TENM3: variants seen among roughly 807,000 people sequenced by gnomAD.
TENM3 encodes the protein teneurin-3.
A neutral mutation model predicts 255.1 loss-of-function variants in TENM3; 63 were observed. That is an observed-to-expected ratio of 0.25 (90% CI 0.20 to 0.30). The LOEUF is 0.30. TENM3 is among the 10% of genes least tolerant of loss of function. The pLI, the probability that TENM3 is intolerant of heterozygous loss-of-function variation, is 1.00. For synonymous variants in TENM3, 1,306 were observed against 1,322.3 expected, an observed-to-expected ratio of 0.99 and a Z score of 0.27; for missense variants, 2,929 against 3,461.1, an observed-to-expected ratio of 0.85 and a Z score of 3.86.
chr4:182,794,099 C>T lies in TENM3; in HGVS notation c.7213+214C>T, dbSNP rs970989831. Reference sequence around the variant, plus strand: ...TACTTCCTATTCTGCCTGCCATTGCCCAAGGCCACAAGTTTTTGAAATGAC... The same window carrying T: ...TACTTCCTATTCTGCCTGCCATTGCTCAAGGCCACAAGTTTTTGAAATGAC... On this transcript the variant is annotated intron_variant, in intron 26 of 27. Coordinates refer to ENST00000511685, the MANE Select transcript of TENM3 (RefSeq NM_001080477.4). Among the ~76,000 whole-genome samples, 5 of 152,192 alleles carry T rather than the reference C, an allele frequency of 3.3e-5. 1 individual carries two copies. Among genetic ancestry groups the T allele is most frequent in the Admixed American group, 2.6e-4 (4 of 15,282 alleles).
intron 5 of TENM3, among the ~76,000 whole-genome samples, chr4:182,634,549 T>G (rs1321252259): frequency 6.6e-6 from 1 of 152,162 alleles, no homozygotes; most frequent in South Asian, 2.1e-4. Context: ...ATTAACCTTT[T>G]GAGTTGCTGT....
chr4:182,290,764 A>G (rs1761069357), intron 1 of TENM3, among the ~76,000 whole-genome samples: 2 of 151,216 alleles, frequency 1.3e-5, no homozygotes, highest in Non-Finnish European at 2.9e-5. Context: ...CGGCCTCCCA[A>G]AGTGCTGGGA....
At chr4:182,773,005 TA>T (rs1764383924) in intron 22 of TENM3, among the ~76,000 whole-genome samples, 2 of 152,224 alleles carry the variant, frequency 1.3e-5, no homozygotes, top group South Asian at 4.1e-4. Context: ...CTGAAGATAC[TA>T]AAAGGATTTT....
the TENM3 span, among the ~76,000 whole-genome samples, chr4:181,533,958 C>T: frequency 6.6e-6 from 1 of 152,164 alleles, no homozygotes; most frequent in African/African-American, 2.4e-5. Flanking sequence ...ACCTCTGGAA[C>T]ACAATTAATG....
At chr4:181,511,971 A>C in the TENM3 span, among the ~76,000 whole-genome samples, 2 of 152,090 alleles carry the variant, frequency 1.3e-5, no homozygotes, top group African/African-American at 2.4e-5. Flanking sequence ...CATCACTCCC[A>C]GCTCAAAAAC....
intron 3 of TENM3, among the ~76,000 whole-genome samples, chr4:182,550,885 T>C (rs751695787): frequency 3.6e-4 from 55 of 152,152 alleles, no homozygotes; most frequent in Non-Finnish European, 6.0e-4. Context: ...AGCAGTGCTT[T>C]AGGGAGTAAA....
At chr4:181,457,699 A>G in the TENM3 span, among the ~76,000 whole-genome samples, 2 of 138,376 alleles carry the variant, frequency 1.4e-5, no homozygotes, top group African/African-American at 5.7e-5. Context: ...AAAATAAAGA[A>G]GTCAGGTAGT....
the TENM3 span, among the ~76,000 whole-genome samples, chr4:181,873,170 C>T: frequency 5.9e-5 from 9 of 151,992 alleles, no homozygotes; most frequent in East Asian, 5.8e-4. Flanking sequence ...CGGGTTCAAG[C>T]GATTCTCCTG....
intron 21 of TENM3, among the ~76,000 whole-genome samples, 199 bp downstream of exon 21, chr4:182,753,803 T>A (rs1013981908): frequency 1.3e-5 from 2 of 152,158 alleles, no homozygotes; most frequent in Non-Finnish European, 2.9e-5. Flanking sequence ...ATGAATTCAG[T>A]GAGATACAGA....
intron 1 of TENM3, among the ~76,000 whole-genome samples, chr4:182,204,162 A>G (rs956323707): frequency 1.3e-5 from 2 of 152,228 alleles, no homozygotes; most frequent in Non-Finnish European, 2.9e-5. Context: ...GAGGCTCATT[A>G]TGATTACGAA....
chr4:182,623,712 T>G (rs150940614), intron 4 of TENM3, among the ~76,000 whole-genome samples: 1 of 152,232 alleles, frequency 6.6e-6, no homozygotes, highest in East Asian at 1.9e-4. Context: ...TCTTCCATGA[T>G]GCTCTGAGCA....
the TENM3 span, among the ~76,000 whole-genome samples, chr4:182,042,800 G>A: frequency 6.6e-6 from 1 of 152,016 alleles, no homozygotes; most frequent in South Asian, 2.1e-4. Context: ...CAACAACTGT[G>A]GTTTTGTCAC....
At chr4:182,016,024 G>A in the TENM3 span, among the ~76,000 whole-genome samples, 10 of 152,108 alleles carry the variant, frequency 6.6e-5, no homozygotes, top group Non-Finnish European at 1.0e-4. Flanking sequence ...TGATTATTTT[G>A]GGAATCTGAT....
the TENM3 span, among the ~76,000 whole-genome samples, chr4:181,835,980 C>T: frequency 6.6e-6 from 1 of 152,020 alleles, no homozygotes; most frequent in Non-Finnish European, 1.5e-5. Flanking sequence ...TTGCCTGTCT[C>T]CCTATTCTGT....
chr4:181,767,140 T>C, the TENM3 span, among the ~76,000 whole-genome samples: 61 of 145,752 alleles, frequency 4.2e-4, 1 homozygote, highest in South Asian at 5.1e-3. Flanking sequence ...TAGTCCCAGC[T>C]ACTCGGGAGG....
chr4:181,592,559 T>G, the TENM3 span, among the ~76,000 whole-genome samples: 1 of 152,062 alleles, frequency 6.6e-6, no homozygotes, highest in Non-Finnish European at 1.5e-5. Context: ...AAGGAGTTTG[T>G]TCCTGACTTG....
intron 3 of TENM3, among the ~76,000 whole-genome samples, chr4:182,585,770 A>G (rs9884678): frequency 1.5e-4 from 23 of 151,968 alleles, no homozygotes; most frequent in African/African-American, 4.1e-4. Flanking sequence ...TCTATGGACA[A>G]TTTTAACAAA....
At chr4:182,196,542 C>T (rs995652038) in intron 1 of TENM3, among the ~76,000 whole-genome samples, 1 of 152,098 alleles carries the variant, frequency 6.6e-6, no homozygotes, top group African/African-American at 2.4e-5. Context: ...CCAGGCGCCT[C>T]ACCTTCCCCA....
chr4:181,632,643 C>A, the TENM3 span, among the ~76,000 whole-genome samples: 2 of 152,126 alleles, frequency 1.3e-5, no homozygotes, highest in East Asian at 3.9e-4. Flanking sequence ...TTCCTGGGAT[C>A]TAGTTTCTGC....
Sources: allele counts gnomAD v4.1 joint callset (sites outside exome capture counted in the v4.1 genomes callset), GRCh38; gene constraint gnomAD v4.1.1; transcripts MANE v1.5; gene names NCBI Gene and HGNC (gene_info 2026-07-23, HGNC 2026-07-21).